The following TCF12 variants were observed in gnomAD, a reference collection of about 807,000 sequenced individuals.
TCF12 encodes the protein transcription factor 12.
TCF12 carries 45 observed loss-of-function variants against 86.0 expected under a neutral mutation model. That is an observed-to-expected ratio of 0.52 (90% CI 0.41 to 0.67). The LOEUF (loss-of-function observed/expected upper bound fraction) is 0.67, where lower values mean the gene tolerates loss of function less well. TCF12 is among the 30% of genes least tolerant of loss of function. The pLI, the probability that TCF12 is intolerant of heterozygous loss-of-function variation, is 0.00. For synonymous variants in TCF12, 330 were observed against 299.6 expected (o/e 1.10, Z -1.05); for missense variants, 881 against 859.9 (o/e 1.02, Z -0.31).
intron 5 of TCF12, among the ~76,000 whole-genome samples, chr15:57,108,827 C>G (rs562329472): frequency 5.9e-5 from 9 of 152,128 alleles, no homozygotes; most frequent in Middle Eastern, 3.4e-3. Flanking sequence ...AAAAAGTGTA[C>G]AAAGAGCCAA....
At chr15:56,944,740 C>G (rs191016149) in intron 3 of TCF12, among the ~76,000 whole-genome samples, 2 of 152,172 alleles carry the variant, frequency 1.3e-5, no homozygotes, top group Admixed American at 1.3e-4. Flanking sequence ...CTACATTAAA[C>G]AAACACTGAG....
chr15:56,998,763 A>G (rs1486922898), intron 3 of TCF12, among the ~76,000 whole-genome samples: 1 of 152,230 alleles, frequency 6.6e-6, no homozygotes, highest in Non-Finnish European at 1.5e-5. Flanking sequence ...ACAATGCTCT[A>G]AGACAGACTG....
At chr15:56,981,411 A>C (rs1389437944) in intron 3 of TCF12, among the ~76,000 whole-genome samples, 1 of 152,196 alleles carries the variant, frequency 6.6e-6, no homozygotes. Flanking sequence ...AGCAGAAGCA[A>C]GAGAACAAAA....
chr15:57,237,640 C>G (rs553458387), intron 12 of TCF12, among the ~76,000 whole-genome samples: 1 of 152,140 alleles, frequency 6.6e-6, no homozygotes, highest in Non-Finnish European at 1.5e-5. Flanking sequence ...TCACTCTTTA[C>G]CCCCATTTTT....
At chr15:57,271,156 G>C (rs4447362) in intron 18 of TCF12, among the ~76,000 whole-genome samples, 59,662 of 152,212 alleles carry the variant, frequency 0.39, 14,567 homozygotes, top group Non-Finnish European at 0.54. Flanking sequence ...CTTTTGTTCA[G>C]ATACGCCCTG....
chr15:57,047,661 T>C (rs1158791218), intron 3 of TCF12, among the ~76,000 whole-genome samples: 2 of 152,212 alleles, frequency 1.3e-5, no homozygotes, highest in Non-Finnish European at 2.9e-5. Flanking sequence ...TTTTTGAAAA[T>C]TTTATAAAGA....
chr15:57,113,769 G>C (rs912909125), intron 5 of TCF12, among the ~76,000 whole-genome samples: 1 of 119,780 alleles, frequency 8.3e-6, no homozygotes, highest in Non-Finnish European at 1.7e-5. Context: ...ACAAGAGCTC[G>C]TCTCTACTTA....
chr15:57,045,074 G>C (rs572382481), intron 3 of TCF12, among the ~76,000 whole-genome samples: 2 of 152,172 alleles, frequency 1.3e-5, no homozygotes, highest in Admixed American at 1.3e-4. Flanking sequence ...TTTCTGTCAC[G>C]TGTTAATCTT....
At chr15:57,117,536 G>C (rs2050927981) in intron 5 of TCF12, among the ~76,000 whole-genome samples, 1 of 152,168 alleles carries the variant, frequency 6.6e-6, no homozygotes, top group East Asian at 1.9e-4. Flanking sequence ...CTACAAGTAT[G>C]ATCTGGGTTC....
chr15:57,143,664 G>A (rs1220049632), intron 5 of TCF12, among the ~76,000 whole-genome samples: 1 of 152,192 alleles, frequency 6.6e-6, no homozygotes, highest in Non-Finnish European at 1.5e-5. Context: ...AAGGCAGACA[G>A]AGGTTTATTC....
chr15:57,236,959 G>C (rs1383610630), intron 12 of TCF12, among the ~76,000 whole-genome samples: 1 of 152,084 alleles, frequency 6.6e-6, no homozygotes, highest in African/African-American at 2.4e-5. Flanking sequence ...GATTGTGCCC[G>C]TGGAGAGTTA....
chr15:56,952,429 G>A (rs1248322290), intron 3 of TCF12, among the ~76,000 whole-genome samples: 13 of 150,282 alleles, frequency 8.7e-5, no homozygotes, highest in Admixed American at 8.6e-4. Flanking sequence ...TCTACCAAAA[G>A]TCTCCAGAAT....
intron 12 of TCF12, among the ~76,000 whole-genome samples, chr15:57,238,704 A>G (rs565195444): frequency 8.9e-4 from 136 of 152,330 alleles, no homozygotes; most frequent in African/African-American, 3.2e-3. Flanking sequence ...CAAGTTAAAA[A>G]TATATATATT....
At chr15:57,027,546 CA>C (rs2065895671) in intron 3 of TCF12, among the ~76,000 whole-genome samples, 1 of 151,884 alleles carries the variant, frequency 6.6e-6, no homozygotes, top group African/African-American at 2.4e-5. Context: ...TTTTTATGGT[CA>C]TTTTTTTTTC....
At chr15:56,961,009 G>C (rs907408683) in intron 3 of TCF12, among the ~76,000 whole-genome samples, 4 of 151,272 alleles carry the variant, frequency 2.6e-5, no homozygotes, top group Non-Finnish European at 5.9e-5. Context: ...GTGTGGTGGC[G>C]GGCACCTGTA....
intron 8 of TCF12, among the ~76,000 whole-genome samples, chr15:57,229,383 A>T (rs570486808): frequency 6.6e-6 from 1 of 152,002 alleles, no homozygotes; most frequent in Non-Finnish European, 1.5e-5. Context: ...AAACTAGGGG[A>T]TCCTTCTAGA....
At chr15:57,218,482 T>C (rs747320193) in intron 8 of TCF12, among the ~76,000 whole-genome samples, 1 of 152,248 alleles carries the variant, frequency 6.6e-6, no homozygotes, top group Non-Finnish European at 1.5e-5. Flanking sequence ...GAGTTAGAAA[T>C]GTCTGTAAGA....
At chr15:57,086,214 T>TAATAATAATAAC (rs2048616965) in intron 4 of TCF12, among the ~76,000 whole-genome samples, 1 of 141,536 alleles carries the variant, frequency 7.1e-6, no homozygotes, top group South Asian at 2.1e-4. Flanking sequence ...ATGATGATGA[T>TAATAATAATAAC]AATAATAATA....
At chr15:57,044,849 A>G (rs2067127356) in intron 3 of TCF12, among the ~76,000 whole-genome samples, 1 of 152,154 alleles carries the variant, frequency 6.6e-6, no homozygotes, top group Admixed American at 6.5e-5. Flanking sequence ...GGAATGGGAC[A>G]TTTTGGGAGA....
Sources: allele counts gnomAD v4.1 joint callset (sites outside exome capture counted in the v4.1 genomes callset), GRCh38; gene constraint gnomAD v4.1.1; transcripts MANE v1.5; gene names NCBI Gene and HGNC (gene_info 2026-07-23, HGNC 2026-07-21).